KCNC2: variants seen among roughly 807,000 people sequenced by gnomAD.
KCNC2 encodes the protein voltage-gated potassium channel KCNC2.
In KCNC2, 21 loss-of-function variants were observed where a neutral mutation model predicts 44.5. The ratio of observed to expected loss-of-function variants is 0.47; its 90% CI spans 0.33 to 0.68. The LOEUF (loss-of-function observed/expected upper bound fraction) is 0.68, where lower values mean the gene tolerates loss of function less well. KCNC2 is among the 30% of genes least tolerant of loss of function. The pLI is 0.01. For synonymous variants in KCNC2, 391 were observed against 339.1 expected (o/e 1.15, Z -1.68); for missense variants, 589 against 826.2 (o/e 0.71, Z 3.52).
intron 2 of KCNC2, among the ~76,000 whole-genome samples, chr12:75,120,047 G>A (rs533801803): frequency 1.4e-4 from 22 of 152,156 alleles, no homozygotes; most frequent in Non-Finnish European, 2.4e-4. Context: ...TCTCCATCTC[G>A]CTTATAATTA....
intron 2 of KCNC2, among the ~76,000 whole-genome samples, chr12:75,186,853 C>G (rs1030407507): frequency 9.9e-5 from 15 of 152,148 alleles, no homozygotes; most frequent in African/African-American, 3.6e-4. Flanking sequence ...CAAAAACATA[C>G]AATGTTGAGC....
At chr12:75,110,785 T>C (rs944644179) in intron 2 of KCNC2, among the ~76,000 whole-genome samples, 2 of 152,030 alleles carry the variant, frequency 1.3e-5, no homozygotes, top group African/African-American at 4.8e-5. Context: ...ATTAAAGTTA[T>C]AAAGTTGTAA....
rs770299637 is a variant in KCNC2 at position 75,118,425 on chromosome 12, TA to T, written c.688-67109del. ...CAATAAGGTGGGTGGCAGGTTTATA[TA>T]ATGTACTTGGGACAAGCCCCTCTAA... On this transcript the variant is annotated intron_variant, in intron 2 of 4. Coordinates refer to ENST00000549446, the MANE Select transcript of KCNC2 (RefSeq NM_139137.4). Among the ~76,000 whole-genome samples, 9 of 152,188 alleles carry T rather than the reference TA, an allele frequency of 5.9e-5. 1 individual carries two copies. In the East Asian group the frequency reaches 1.2e-3, roughly 20 times the overall value.
intron 2 of KCNC2, among the ~76,000 whole-genome samples, chr12:75,147,707 A>G (rs938115837): frequency 2.6e-5 from 4 of 152,122 alleles, no homozygotes; most frequent in African/African-American, 2.4e-5. Flanking sequence ...AAGACCACAA[A>G]CCTAGTATTT....
chr12:75,184,362 T>G lies in KCNC2; in HGVS notation c.687+22935A>C, dbSNP rs536481473. Among the ~76,000 whole-genome samples, 22 of 152,348 alleles carry G rather than the reference T, an allele frequency of 1.4e-4. No homozygotes were observed. In the South Asian group the frequency reaches 4.6e-3, roughly 32 times the overall value. ...TATTTTTCCCAGGTTAATCATCTAGTTCAGAGTCTCCATAGATGTGGGTTG... is the reference window on the plus strand; with the variant it reads ...TATTTTTCCCAGGTTAATCATCTAGGTCAGAGTCTCCATAGATGTGGGTTG... On this transcript the variant is annotated intron_variant, in intron 2 of 4. Coordinates refer to ENST00000549446, the MANE Select transcript of KCNC2 (RefSeq NM_139137.4).
chr12:75,139,615 T>C (rs1356567447), intron 2 of KCNC2, among the ~76,000 whole-genome samples: 3 of 152,178 alleles, frequency 2.0e-5, no homozygotes, highest in Admixed American at 6.5e-5. Context: ...CTAAATACAT[T>C]TTCTGGTGGT....
chr12:75,045,585 G>T (rs1880404008), intron 4 of KCNC2, among the ~76,000 whole-genome samples: 1 of 151,814 alleles, frequency 6.6e-6, no homozygotes, highest in Non-Finnish European at 1.5e-5. Flanking sequence ...ATTCATGAGG[G>T]TAAACACTGT....
At chr12:75,151,139 G>C (rs552947726) in intron 2 of KCNC2, among the ~76,000 whole-genome samples, 7 of 151,896 alleles carry the variant, frequency 4.6e-5, no homozygotes, top group African/African-American at 1.7e-4. Flanking sequence ...AAGCCTTCAC[G>C]ATGCAAGAAA....
intron 2 of KCNC2, among the ~76,000 whole-genome samples, chr12:75,164,676 C>T (rs1407796087): frequency 6.6e-6 from 1 of 151,536 alleles, no homozygotes; most frequent in Non-Finnish European, 1.5e-5. Context: ...AATTCCAGTC[C>T]CTGAAACACT....
chr12:75,085,148 G>C (rs1884890486), intron 2 of KCNC2, among the ~76,000 whole-genome samples: 1 of 151,930 alleles, frequency 6.6e-6, no homozygotes, highest in African/African-American at 2.4e-5. Context: ...AGTAGCCCTT[G>C]AGCTGCTTGT....
Position 75,042,794 on chromosome 12 carries a change from T to A in KCNC2, c.*311A>T. On this transcript the variant is annotated 3_prime_UTR_variant, in exon 5 of 5. Transcript: ENST00000549446. ...ATTTGGAAGCACACTGTTTTAAATA[T>A]ATCTCCCTGAAGGTATGTTTATATA... 8.5e-7 allele frequency: 1 copy of A among 1,178,222 alleles called. No homozygotes were observed. The highest frequency in any genetic ancestry group is 1.6e-5 in the African/African-American group (1 of 63,218). 73.0% of individuals were successfully genotyped at this position (1,178,222 alleles called of 1,614,324 possible).
At chr12:75,098,303 G>GCTAT (rs1347506374) in intron 2 of KCNC2, among the ~76,000 whole-genome samples, 1 of 152,136 alleles carries the variant, frequency 6.6e-6, no homozygotes, top group African/African-American at 2.4e-5. Flanking sequence ...ATATTACTGT[G>GCTAT]CTATCTGTTG....
At chr12:75,208,314 A>C in intron 1 of KCNC2, among the ~76,000 whole-genome samples, 1 of 147,190 alleles carries the variant, frequency 6.8e-6, no homozygotes, top group East Asian at 2.0e-4. Context: ...TTCACCTTCC[A>C]CTCTTCCTCT....
intron 4 of KCNC2, among the ~76,000 whole-genome samples, chr12:75,046,730 A>G (rs1265282925): frequency 6.6e-6 from 1 of 151,924 alleles, no homozygotes; most frequent in Non-Finnish European, 1.5e-5. Flanking sequence ...GTAAACAACC[A>G]AATAAATCTA....
At chr12:75,149,564 A>T (rs567079898) in intron 2 of KCNC2, among the ~76,000 whole-genome samples, 1 of 151,988 alleles carries the variant, frequency 6.6e-6, no homozygotes, top group East Asian at 1.9e-4. Flanking sequence ...CGGATGTGGT[A>T]TGTCTGTCCA....
chr12:75,171,418 A>C (rs1306247805), intron 2 of KCNC2, among the ~76,000 whole-genome samples: 3 of 151,902 alleles, frequency 2.0e-5, no homozygotes, highest in Non-Finnish European at 4.4e-5. Flanking sequence ...TCTGCCTACC[A>C]CAAGTCTTTG....
intron 2 of KCNC2, among the ~76,000 whole-genome samples, chr12:75,060,060 A>G (rs545492294): frequency 2.6e-5 from 4 of 152,288 alleles, no homozygotes; most frequent in South Asian, 4.1e-4. Flanking sequence ...AATACTAGCT[A>G]TTATACATAT....
chr12:75,192,757 T>C (rs181802917), intron 2 of KCNC2, among the ~76,000 whole-genome samples: 29 of 152,208 alleles, frequency 1.9e-4, no homozygotes, highest in Middle Eastern at 3.4e-3. Flanking sequence ...TGGGGAAGAA[T>C]CATAGAGAAA....
At chr12:75,170,810 G>A (rs930604617) in intron 2 of KCNC2, among the ~76,000 whole-genome samples, 2 of 151,702 alleles carry the variant, frequency 1.3e-5, no homozygotes, top group Non-Finnish European at 2.9e-5. Flanking sequence ...TTATCTCAAA[G>A]CTTCTGCAAG....
Sources: allele counts gnomAD v4.1 joint callset (sites outside exome capture counted in the v4.1 genomes callset), GRCh38; gene constraint gnomAD v4.1.1; transcripts MANE v1.5; gene names NCBI Gene and HGNC (gene_info 2026-07-23, HGNC 2026-07-21).